Variants in ATP2B2 observed in about 807,000 individuals in gnomAD.
The protein encoded by ATP2B2 is ATPase plasma membrane Ca2+ transporting 2.
A neutral mutation model predicts 120.0 loss-of-function variants in ATP2B2; 15 were observed. The observed-to-expected ratio is 0.12, with a 90% CI of 0.08 to 0.19. ATP2B2 has a LOEUF of 0.19. ATP2B2 is among the 10% of genes least tolerant of loss of function. ATP2B2 has a pLI of 1.00. For missense variants in ATP2B2, 1,045 were observed against 1,719.8 expected (o/e 0.61, Z 6.94); for synonymous variants, 694 against 700.3 (o/e 0.99, Z 0.14).
At chr3:10,401,399 T>C (rs2062214452) in intron 4 of ATP2B2, among the ~76,000 whole-genome samples, 1 of 152,196 alleles carries the variant, frequency 6.6e-6, no homozygotes, top group African/African-American at 2.4e-5. Flanking sequence ...CGTTCTTCTG[T>C]AGTCTCAGTT....
In ATP2B2 at chr3:10,379,238, G is replaced by T; in HGVS notation, c.1042+5C>A. 1 of 1,613,770 alleles carries T rather than the reference G, an allele frequency of 6.2e-7. No individual in the cohort carries two copies. Among genetic ancestry groups the T allele is most frequent in the Non-Finnish European group, 8.5e-7 (1 of 1,179,900 alleles). On this transcript the variant is annotated splice_donor_5th_base_variant and intron_variant, in intron 9 of 22. Coordinates refer to ENST00000360273, the MANE Select transcript of ATP2B2 (RefSeq NM_001001331.4). ...GACAAACGCCGGTTAAAACAAAAGG[G>T]TTACCTTTGCTCTGGCTGGCGTCCA... is the stretch of plus-strand genomic sequence containing the variant.
Position 10,449,604 on chromosome 3 carries a change from G to T in ATP2B2, c.-61C>A. The T allele has an allele frequency of 6.3e-7, 1 of 1,594,444 alleles. No homozygotes were observed. Among genetic ancestry groups the T allele is most frequent in the South Asian group, 1.1e-5 (1 of 90,564 alleles). ...GTCAGCGCTGGACAAGAGGCTGCCG[G>T]GTGATGGCTGCTTGTGGCTGTCCTC... On this transcript the variant is annotated 5_prime_UTR_variant, in exon 2 of 23. Coordinates refer to ENST00000360273, the MANE Select transcript of ATP2B2 (RefSeq NM_001001331.4).
chr3:10,411,946 A>T (rs1297010131), intron 2 of ATP2B2, among the ~76,000 whole-genome samples: 2 of 152,060 alleles, frequency 1.3e-5, no homozygotes, highest in East Asian at 3.8e-4. Flanking sequence ...ATTCTTCCAG[A>T]CTTGCAAGTC....
Position 10,607,149 on chromosome 3 carries a change from G to A in ATP2B2, c.-415+12768C>T, listed in dbSNP as rs566130721. Among the ~76,000 whole-genome samples the A allele has an allele frequency of 5.3e-5, 8 of 152,130 alleles. No individual in the cohort carries two copies. The East Asian group carries it at 9.7e-4, about 18-fold the overall frequency. On this transcript the variant is annotated intron_variant, in intron 2 of 21. Coordinates refer to the ATP2B2 transcript ENST00000646379. ...AAGATGTGGCACTGGCTTGGCGGTC[G>A]GCAGGAAGCTGGTTGACCACGTACT... is the stretch of plus-strand genomic sequence containing the variant.
intron 1 of ATP2B2, among the ~76,000 whole-genome samples, chr3:10,474,889 G>A (rs1284204021): frequency 6.6e-6 from 1 of 152,240 alleles, no homozygotes; most frequent in Non-Finnish European, 1.5e-5. Flanking sequence ...CCCCTTGTGG[G>A]GAGCGGGCTG....
chr3:10,425,575 C>G (rs143497823), intron 2 of ATP2B2, among the ~76,000 whole-genome samples: 3 of 152,114 alleles, frequency 2.0e-5, no homozygotes, highest in Non-Finnish European at 4.4e-5. Flanking sequence ...AATAAGGTAA[C>G]GAGTGTGACG....
intron 2 of ATP2B2, among the ~76,000 whole-genome samples, chr3:10,579,053 A>G (rs749160022): frequency 2.0e-5 from 3 of 152,220 alleles, no homozygotes; most frequent in Non-Finnish European, 2.9e-5. Context: ...TGTACTGTGC[A>G]GTTTTACTCA....
chr3:10,703,582 T>C (rs924295446), intron 1 of ATP2B2, among the ~76,000 whole-genome samples: 1 of 152,190 alleles, frequency 6.6e-6, no homozygotes, highest in African/African-American at 2.4e-5. Context: ...GAACTCCGGA[T>C]CAGCACACAC....
chr3:10,453,691 C>T (rs142066119), intron 1 of ATP2B2, among the ~76,000 whole-genome samples: 10 of 152,288 alleles, frequency 6.6e-5, no homozygotes, highest in African/African-American at 2.4e-4. Context: ...GGCTTACAGG[C>T]ACTGATAATT....
chr3:10,653,265 T>C (rs1170651222), intron 1 of ATP2B2, among the ~76,000 whole-genome samples: 2 of 152,214 alleles, frequency 1.3e-5, no homozygotes, highest in South Asian at 2.1e-4. Context: ...CCTTTGCTTA[T>C]GTGAAAGCCA....
chr3:10,666,383 T>C (rs983568461), intron 1 of ATP2B2, among the ~76,000 whole-genome samples: 14 of 152,044 alleles, frequency 9.2e-5, no homozygotes, highest in East Asian at 7.7e-4. Flanking sequence ...GAGCCCAGAG[T>C]TCCTTTCTGT....
At chr3:10,498,713 CT>C (rs939379340) in intron 1 of ATP2B2, among the ~76,000 whole-genome samples, 2 of 152,214 alleles carry the variant, frequency 1.3e-5, no homozygotes, top group Non-Finnish European at 2.9e-5. Context: ...TTGCAGAGAC[CT>C]GCTTTCTTCC....
At chr3:10,686,546 C>T (rs550020070) in intron 1 of ATP2B2, among the ~76,000 whole-genome samples, 76 of 151,796 alleles carry the variant, frequency 5.0e-4, no homozygotes, top group African/African-American at 1.6e-3. Flanking sequence ...CCCAGCTACT[C>T]GGGAGGCTGA....
chr3:10,364,168 AC>A (rs1170469795), intron 12 of ATP2B2, among the ~76,000 whole-genome samples: 2 of 152,224 alleles, frequency 1.3e-5, no homozygotes, highest in African/African-American at 4.8e-5. Context: ...TTTATGAGTT[AC>A]TGGAGCAGTC....
At chr3:10,399,170 TGG>T (rs2062139818) in intron 5 of ATP2B2, among the ~76,000 whole-genome samples, 1 of 152,198 alleles carries the variant, frequency 6.6e-6, no homozygotes, top group Non-Finnish European at 1.5e-5. Flanking sequence ...AGGACATACC[TGG>T]CCACTGCCCC....
chr3:10,386,644 G>A, intron 6 of ATP2B2, 132 bp from the exon 7 acceptor site: 1 of 1,029,116 alleles, frequency 9.7e-7, no homozygotes, highest in African/African-American at 1.6e-5. Flanking sequence ...TCCTGAAATG[G>A]GGACATGTGG....
Position 10,449,686 on chromosome 3 carries a change from G to A in ATP2B2, c.-143C>T. On this transcript the variant is annotated 5_prime_UTR_variant, in exon 2 of 23. Transcript: ENST00000360273. ...GGCGGCCGACTCCGGGTCCCGGGGG[G>A]TGGGGGTGGCCGAGGCGGGCTGGTG... 1 of 1,015,572 alleles carries A rather than the reference G, an allele frequency of 9.8e-7. No homozygotes were observed. The highest frequency in any genetic ancestry group is 1.5e-6 in the Non-Finnish European group (1 of 662,812). The allele number at this position is 1,015,572 out of a possible 1,614,324, so 62.9% of individuals were successfully genotyped here. A position where few individuals can be genotyped will look rare whatever the true frequency, so the allele number is the denominator to read the frequency against.
rs368504026 is a variant in ATP2B2, at chr3:10,375,582, C to T, written c.1264G>A (p.Val422Met). 1 of 1,613,790 alleles carries T rather than the reference C, an allele frequency of 6.2e-7. No homozygotes were observed. Among genetic ancestry groups the T allele is most frequent in the South Asian group, 1.1e-5 (1 of 91,086 alleles). ...LVLYFTVDTF[V>M]VNKKPWLPEC... ...GGCAGCCACGGCTTCTTGTTGACCA[C>T]GAAGGTGTCCACAGTGAAGTAGAGC... Residue 422 changes from valine to methionine, a missense_variant, in exon 11 of 23, where the codon GTG becomes ATG. This residue lies in a region of ATP2B2 where 343 missense variants were observed against 536.8 expected (regional missense o/e 0.64). Coordinates refer to ENST00000360273, the MANE Select transcript of ATP2B2 (RefSeq NM_001001331.4). The surrounding 1 kb of genome is among the most constrained non-coding windows in gnomAD (Gnocchi z 4.2).
At chr3:10,460,599 G>A (rs1341500511) in intron 1 of ATP2B2, among the ~76,000 whole-genome samples, 1 of 152,174 alleles carries the variant, frequency 6.6e-6, no homozygotes, top group Non-Finnish European at 1.5e-5. Flanking sequence ...AGCATGGGGA[G>A]CTGACCCCAT....
Sources: gnomAD v4.1 joint callset for allele counts (sites outside exome capture counted in the v4.1 genomes callset) on GRCh38, gnomAD v4.1.1 for gene constraint, gnomAD v4.1.1 regional missense constraint, Gnocchi (gnomAD v3.1) non-coding constraint, MANE v1.5 for transcripts, NCBI Gene and HGNC (gene_info 2026-07-23, HGNC 2026-07-21) for gene names.